Variants in TSPAN7 observed in about 807,000 individuals in gnomAD.
TSPAN7 encodes tetraspanin-7.
Under a neutral mutation model 17.6 loss-of-function variants are expected in TSPAN7, and 1 was observed. The ratio of observed to expected loss-of-function variants is 0.06; its 90% confidence interval spans 0.02 to 0.27. The LOEUF (loss-of-function observed/expected upper bound fraction) is 0.27, where lower values mean the gene tolerates loss of function less well. Among genes scored for constraint, TSPAN7 ranks in the 10% least tolerant of loss-of-function variants. TSPAN7 has a pLI of 1.00. For synonymous variants in TSPAN7, 78 were observed against 79.0 expected (o/e 0.99, Z 0.07); for missense variants, 112 against 201.7 (o/e 0.56, Z 2.69).
At position 38,581,539 on chromosome X, in the gene TSPAN7, G is replaced by A. The variant is rs182949617; in HGVS notation, c.81+19912G>A. Among the ~76,000 whole-genome samples, 109 of 111,404 alleles carry A rather than the reference G, an allele frequency of 9.8e-4. 1 individual carries two copies. The highest frequency in any genetic ancestry group is 3.4e-3 in the African/African-American group (104 of 30,645). ...TTACCTCCCACTGGGTCCCTCCCAC[G>A]ACAAGTGGGAATTATAGGAGCTACA... On this transcript the variant is annotated intron_variant, in intron 1 of 7. Coordinates refer to ENST00000378482, the MANE Select transcript of TSPAN7 (RefSeq NM_004615.4).
chrX:38,565,893 C>T (rs2069140665), intron 1 of TSPAN7, among the ~76,000 whole-genome samples: 1 of 111,546 alleles, frequency 9.0e-6, no homozygotes, highest in Non-Finnish European at 1.9e-5. Flanking sequence ...TTGGCCATAG[C>T]TGGAGGGGAG....
intron 1 of TSPAN7, among the ~76,000 whole-genome samples, chrX:38,616,084 C>T (rs2069454353): frequency 8.9e-6 from 1 of 112,206 alleles, no homozygotes; most frequent in Admixed American, 9.4e-5. Flanking sequence ...AGAGAATGTA[C>T]ATCAGAGGCC....
chrX:38,598,078 T>C (rs768784194), intron 1 of TSPAN7, among the ~76,000 whole-genome samples: 1 of 111,426 alleles, frequency 9.0e-6, no homozygotes, highest in South Asian at 3.8e-4. Flanking sequence ...TGTCTTCTTT[T>C]TGGTCAACTT....
chrX:38,616,821 A>G (rs927475452), intron 1 of TSPAN7, among the ~76,000 whole-genome samples: 1 of 111,493 alleles, frequency 9.0e-6, no homozygotes, highest in African/African-American at 3.3e-5. Context: ...TTGAGCCCCT[A>G]TGAACCTCCT....
intron 4 of TSPAN7, among the ~76,000 whole-genome samples, chrX:38,675,428 G>A (rs1185525132): frequency 2.7e-5 from 3 of 112,134 alleles, no homozygotes; most frequent in African/African-American, 6.5e-5. Flanking sequence ...ATATCAATAG[G>A]TGATTGTGAG....
At chrX:38,671,148 C>G (rs1226435265) in intron 2 of TSPAN7, among the ~76,000 whole-genome samples, 1 of 112,201 alleles carries the variant, frequency 8.9e-6, no homozygotes, top group Non-Finnish European at 1.9e-5. Flanking sequence ...TCAGTGAATT[C>G]TCCCCAGCCT....
At chrX:38,562,583 A>C (rs1208177579) in intron 1 of TSPAN7, among the ~76,000 whole-genome samples, 2 of 91,255 alleles carry the variant, frequency 2.2e-5, no homozygotes, top group Non-Finnish European at 4.4e-5. Flanking sequence ...GGGGAGGAGG[A>C]GGAGGAGGAG....
At chrX:38,686,666 C>T (rs1400631207) in intron 6 of TSPAN7, among the ~76,000 whole-genome samples, 1 of 112,040 alleles carries the variant, frequency 8.9e-6, no homozygotes, top group African/African-American at 3.2e-5. Context: ...GAGAAAGCAG[C>T]CTGTAGACTC....
At chrX:38,642,013 T>C (rs1569310633) in intron 1 of TSPAN7, among the ~76,000 whole-genome samples, 2 of 111,930 alleles carry the variant, frequency 1.8e-5, no homozygotes, top group Admixed American at 1.9e-4. Flanking sequence ...CTCTCCTCCT[T>C]TTACAGTAGA....
intron 1 of TSPAN7, chrX:38,655,854 A>T (rs1602115519): frequency 4.2e-6 from 1 of 239,623 alleles, no homozygotes; most frequent in East Asian, 1.0e-4. Context: ...AATCCTATAT[A>T]TAAATTATGC....
rs773497005 is a variant in TSPAN7 at position 38,670,727 on chromosome X, G to A, written c.271-649G>A. The stretch of plus-strand genomic sequence containing the variant: ...TGAGATGTGGTTGAGACTACTGGAG[G>A]CGTTTGCCTAGGCAGCAGGTTCTCA... On this transcript the variant is annotated intron_variant, in intron 2 of 7. Transcript: ENST00000378482. Among the ~76,000 whole-genome samples, 3 of 112,481 alleles carry A rather than the reference G, an allele frequency of 2.7e-5. No individual in the cohort carries two copies. The South Asian group carries it at 1.1e-3, about 41-fold the overall frequency.
chrX:38,666,089 A>G, intron 1 of TSPAN7, 32 bp from the exon 2 acceptor site: 1 of 1,205,715 alleles, frequency 8.3e-7, no homozygotes, highest in Non-Finnish European at 1.1e-6. Context: ...CTCTCTTGGC[A>G]ATAGCTTCAC....
At chrX:38,686,854 A>T (rs2069930163) in intron 6 of TSPAN7, among the ~76,000 whole-genome samples, 1 of 111,946 alleles carries the variant, frequency 8.9e-6, no homozygotes, top group South Asian at 3.8e-4. Context: ...CAAGTGGAGG[A>T]CTAGAATCTT....
chrX:38,684,640 G>A (rs966822359), intron 6 of TSPAN7, among the ~76,000 whole-genome samples: 1 of 111,565 alleles, frequency 9.0e-6, no homozygotes, highest in Non-Finnish European at 1.9e-5. Flanking sequence ...CTGTGGTGGG[G>A]TGGTGGGGTG....
intron 1 of TSPAN7, among the ~76,000 whole-genome samples, chrX:38,620,965 G>A (rs2069485025): frequency 8.9e-6 from 1 of 112,258 alleles, no homozygotes; most frequent in African/African-American, 3.2e-5. Flanking sequence ...AAGCCCGTTA[G>A]AATTAGTGGT....
intron 1 of TSPAN7, among the ~76,000 whole-genome samples, chrX:38,563,595 T>C (rs931709347): frequency 3.6e-5 from 4 of 111,615 alleles, no homozygotes; most frequent in Non-Finnish European, 5.6e-5. Context: ...CTGAGGCTTT[T>C]CATATGAGCA....
At position 38,640,717 on chromosome X, in the gene TSPAN7, G is replaced by C. The variant is rs769652594; in HGVS notation, c.82-25404G>C. On this transcript the variant is annotated intron_variant, in intron 1 of 7. Transcript: ENST00000378482. ...CTTAAAATGCTAACATTTAACTACA[G>C]AATATGCATTTAAAATTAAATTATA... 9.4e-4 allele frequency among the ~76,000 whole-genome samples: 105 copies of C among 112,237 alleles called. 1 individual carries two copies. The highest frequency in any genetic ancestry group is 1.5e-3 in the Admixed American group (16 of 10,599).
At chrX:38,598,752 T>C (rs1477588266) in intron 1 of TSPAN7, among the ~76,000 whole-genome samples, 2 of 111,264 alleles carry the variant, frequency 1.8e-5, no homozygotes, top group Non-Finnish European at 3.8e-5. Context: ...AGTTCTAATA[T>C]CACTAATCTT....
chrX:38,605,807 T>G (rs1233605692), intron 1 of TSPAN7, among the ~76,000 whole-genome samples: 5 of 110,562 alleles, frequency 4.5e-5, no homozygotes, highest in Non-Finnish European at 7.6e-5. Flanking sequence ...ACAAGCAATG[T>G]GGAAAGGATT....
Sources: allele counts gnomAD v4.1 joint callset (sites outside exome capture counted in the v4.1 genomes callset), GRCh38; gene constraint gnomAD v4.1.1; transcripts MANE v1.5; gene names NCBI Gene and HGNC (gene_info 2026-07-23, HGNC 2026-07-21).